MDGA1: variants seen among roughly 807,000 people sequenced by gnomAD.
MDGA1 encodes the protein MAM domain containing glycosylphosphatidylinositol anchor 1.
A neutral mutation model predicts 101.5 loss-of-function variants in MDGA1; 54 were observed. The observed-to-expected ratio is 0.53, with a 90% CI of 0.43 to 0.67. The LOEUF (loss-of-function observed/expected upper bound fraction) is 0.67, where lower values mean the gene tolerates loss of function less well. Among genes scored for constraint, MDGA1 ranks in the 30% least tolerant of loss-of-function variants. MDGA1 has a pLI of 0.00. For synonymous variants in MDGA1, 533 were observed against 558.3 expected (o/e 0.95, Z 0.64); for missense variants, 1,083 against 1,323.8 (o/e 0.82, Z 2.82).
rs765612556 is a variant in MDGA1, at chr6:37,644,575, G to A, written c.2323C>T (p.Arg775Trp). The A allele has an allele frequency of 1.2e-5, 19 of 1,609,304 alleles. No individual in the cohort carries two copies. The East Asian group carries it at 1.4e-4, about 11-fold the overall frequency. ...GGGTTCTGGGTGAGGGCATTCTGCC[G>A]CGTCCAGTCAAAGTTGTCTGTCAGG... ...QDLTDNFDWT[R>W]QNALTQNPKR... The change falls in exon 13 of 17, where the codon CGG (arginine) becomes TGG (tryptophan). Residue 775 changes from arginine (R) to tryptophan (W), a missense_variant. Arg to Trp is a moderately radical substitution (Grantham distance 101). This residue lies in a region of MDGA1 where 657 missense variants were observed against 771.4 expected (regional missense o/e 0.85). Transcript: ENST00000434837.
At chr6:37,644,401 T>G (rs1453512078) in intron 13 of MDGA1, 96 bp downstream of exon 13, 5 of 1,282,634 alleles carry the variant, frequency 3.9e-6, no homozygotes, top group Non-Finnish European at 4.1e-6. Flanking sequence ...TCCCTCAGAC[T>G]GGAGCCGTCT....
rs543112177 is a variant in MDGA1, at chr6:37,635,781, G to T, written c.*1587C>A. The stretch of plus-strand genomic sequence containing the variant: ...CTCCGTCATCCATAGGGGATGAAAG[G>T]TGGAATTTCAGGCCATCGCAGGCAG... On this transcript the variant is annotated 3_prime_UTR_variant, in exon 17 of 17. Coordinates refer to ENST00000434837, the MANE Select transcript of MDGA1 (RefSeq NM_153487.4). 2.3e-4 allele frequency: 90 copies of T among 398,534 alleles called. No homozygotes were observed. In the Middle Eastern group the frequency reaches 3.1e-3, roughly 14 times the overall value. The allele number at this position is 398,534 out of a possible 1,614,324, so 24.7% of individuals were successfully genotyped here.
At chr6:37,681,823 C>T (rs1434574497) in intron 1 of MDGA1, among the ~76,000 whole-genome samples, 1 of 152,164 alleles carries the variant, frequency 6.6e-6, no homozygotes, top group Non-Finnish European at 1.5e-5. Flanking sequence ...CCACCCTCAC[C>T]CCAGCCAGGC....
intron 12 of MDGA1, 88 bp from the exon 13 acceptor site, chr6:37,644,737 T>A: frequency 7.6e-7 from 1 of 1,309,288 alleles, no homozygotes; most frequent in Non-Finnish European, 9.9e-7. Context: ...CAGAGGCAGC[T>A]CCCATGCATC....
chr6:37,638,429 C>T lies in MDGA1; in HGVS notation c.2667+108G>A. On this transcript the variant is annotated intron_variant, in intron 15 of 16. Transcript: ENST00000434837. This position sits in a 1 kb window ranked among gnomAD's most constrained non-coding sequence, Gnocchi z 4.8. ...TACCTGGAAGTTCCCCCTAACCTGA[C>T]TCTTTCCATCCTTAGCCCCCAGGAA... is the stretch of plus-strand genomic sequence containing the variant. 2 of 1,558,834 alleles carry T rather than the reference C, an allele frequency of 1.3e-6. No individual in the cohort carries two copies. Among genetic ancestry groups the T allele is most frequent in the Non-Finnish European group, 1.7e-6 (2 of 1,144,676 alleles).
chr6:37,692,266 C>T (rs1561866698), intron 1 of MDGA1, among the ~76,000 whole-genome samples: 1 of 152,144 alleles, frequency 6.6e-6, no homozygotes, highest in Non-Finnish European at 1.5e-5. Flanking sequence ...ACACCCGATA[C>T]CTGGGACCGT....
chr6:37,649,027 CGCTGCACTCGTA>C lies in MDGA1; in HGVS notation c.1837_1848del (p.Tyr613_Ser616del). 6.5e-7 allele frequency: 1 copy of C among 1,549,480 alleles called. No individual in the cohort carries two copies. Among genetic ancestry groups the C allele is most frequent in the Non-Finnish European group, 8.7e-7 (1 of 1,147,782 alleles). ...GCAGCCGAGCCCACATCGTTGGAGA[CGCTGCACTCGTA>C]GCTGCCGCTGCTGTCGCGAGTTACG... On this transcript the variant is annotated inframe_deletion, in exon 9 of 17. Transcript: ENST00000434837.
At chr6:37,676,544 C>G (rs1307536719) in intron 1 of MDGA1, among the ~76,000 whole-genome samples, 2 of 152,218 alleles carry the variant, frequency 1.3e-5, no homozygotes, top group African/African-American at 4.8e-5. Flanking sequence ...CCTGAGCCCT[C>G]ACATAAGCAT....
At chr6:37,664,840 A>AAGAC (rs879589629) in intron 1 of MDGA1, among the ~76,000 whole-genome samples, 798 of 53,104 alleles carry the variant, frequency 0.015, 19 homozygotes, top group Middle Eastern at 0.094. Context: ...AGCCTAACCT[A>AAGAC]AGACACACAC....
chr6:37,670,596 T>C (rs1761847877), intron 1 of MDGA1, among the ~76,000 whole-genome samples: 1 of 152,248 alleles, frequency 6.6e-6, no homozygotes, highest in Non-Finnish European at 1.5e-5. Context: ...TGGTACGCAG[T>C]ATGCAATCTA....
intron 1 of MDGA1, among the ~76,000 whole-genome samples, chr6:37,686,082 G>GA (rs1164322499): frequency 6.6e-6 from 1 of 152,138 alleles, no homozygotes; most frequent in Non-Finnish European, 1.5e-5. Flanking sequence ...TCTCAGATGG[G>GA]AATGTGCCCA....
chr6:37,645,888 G>A lies in MDGA1; in HGVS notation c.2248+45C>T, dbSNP rs1158622840. The A allele has an allele frequency of 1.9e-6, 3 of 1,604,024 alleles. No homozygotes were observed. In the African/African-American group the frequency reaches 4.0e-5, roughly 21 times the overall value. ...TTTCTCTCACCAGGAGAGCCTTTGT[G>A]TCCCTAAAGGGAAGGGGAAGTCATG... On this transcript the variant is annotated intron_variant, in intron 12 of 16. Coordinates refer to ENST00000434837, the MANE Select transcript of MDGA1 (RefSeq NM_153487.4).
chr6:37,678,116 C>T (rs1350770236), intron 1 of MDGA1, among the ~76,000 whole-genome samples: 1 of 152,292 alleles, frequency 6.6e-6, no homozygotes, highest in East Asian at 1.9e-4. Context: ...CATCCACTGA[C>T]CTCCAGCAGC....
rs766487540 is a variant in MDGA1 at position 37,658,438 on chromosome 6, C to T, written c.208-19G>A. Reference sequence around the variant, plus strand: ...ACCGTACCTGGGCCGCCAGGCGGGGCAGAGTCAGACTGTCAGACTCACACG... The same window carrying T: ...ACCGTACCTGGGCCGCCAGGCGGGGTAGAGTCAGACTGTCAGACTCACACG... On this transcript the variant is annotated intron_variant, in intron 2 of 16. Transcript: ENST00000434837. 4 of 1,591,106 alleles carry T rather than the reference C, an allele frequency of 2.5e-6. No homozygotes were observed. Among genetic ancestry groups the T allele is most frequent in the Non-Finnish European group, 2.6e-6 (3 of 1,168,048 alleles).
At chr6:37,682,598 C>T (rs1315283783) in intron 1 of MDGA1, among the ~76,000 whole-genome samples, 1 of 152,096 alleles carries the variant, frequency 6.6e-6, no homozygotes, top group African/African-American at 2.4e-5. Flanking sequence ...TGCTGTGTGG[C>T]CTGAGAACTT....
At chr6:37,684,817 G>C (rs12660250) in intron 1 of MDGA1, among the ~76,000 whole-genome samples, 1 of 152,142 alleles carries the variant, frequency 6.6e-6, no homozygotes, top group Non-Finnish European at 1.5e-5. Flanking sequence ...CAGAACTTCA[G>C]CTTGCCTTAT....
intron 8 of MDGA1, 27 bp downstream of exon 8, chr6:37,650,082 G>A: frequency 6.2e-7 from 1 of 1,611,284 alleles, no homozygotes; most frequent in Non-Finnish European, 8.5e-7. Context: ...AGCTGGGAAG[G>A]TAGTCCGGGT....
intron 3 of MDGA1, among the ~76,000 whole-genome samples, chr6:37,656,414 C>T (rs1195705433): frequency 6.6e-6 from 1 of 151,266 alleles, no homozygotes; most frequent in African/African-American, 2.4e-5. Context: ...ACTCTGTCAC[C>T]CAGGCTGAAG....
Position 37,635,288 on chromosome 6 carries a change from G to T in MDGA1, c.*2080C>A. 1 of 396,438 alleles carries T rather than the reference G, an allele frequency of 2.5e-6. No homozygotes were observed. The highest frequency in any genetic ancestry group is 4.4e-6 in the Non-Finnish European group (1 of 225,192). The allele number at this position is 396,438 out of a possible 1,614,324, so 24.6% of individuals were successfully genotyped here. A position where few individuals can be genotyped will look rare whatever the true frequency, so the allele number is the denominator to read the frequency against. On this transcript the variant is annotated 3_prime_UTR_variant, in exon 17 of 17. Transcript: ENST00000434837. ...GGCAATGGAGTGGTTTCCACACCAG[G>T]CTCACTTGTGCTGGGCACGAGCGGG... is the stretch of plus-strand genomic sequence containing the variant.
Sources: allele counts gnomAD v4.1 joint callset (sites outside exome capture counted in the v4.1 genomes callset), GRCh38; gene constraint gnomAD v4.1.1; regional missense constraint gnomAD v4.1.1; non-coding constraint Gnocchi (gnomAD v3.1); transcripts MANE v1.5; gene names NCBI Gene and HGNC (gene_info 2026-07-23, HGNC 2026-07-21).